The following FBN2 variants were observed in gnomAD, a reference collection of about 807,000 sequenced individuals.
The protein encoded by FBN2 is fibrillin 2.
In FBN2, 105 loss-of-function variants were observed where a neutral mutation model predicts 355.6. That is an observed-to-expected ratio of 0.30 (90% confidence interval 0.25 to 0.35). FBN2 has a LOEUF of 0.35. Among genes scored for constraint, FBN2 ranks in the 10% least tolerant of loss-of-function variants. The pLI, the probability that FBN2 is intolerant of heterozygous loss-of-function variation, is 1.00. For synonymous variants in FBN2, 1,350 were observed against 1,301.2 expected, an observed-to-expected ratio of 1.04 and a Z score of -0.81; for missense variants, 3,280 against 3,758.7, an observed-to-expected ratio of 0.87 and a Z score of 3.33.
chr5:128,321,358 A>C (rs879599847), intron 34 of FBN2, among the ~76,000 whole-genome samples: 5 of 152,164 alleles, frequency 3.3e-5, no homozygotes, highest in Admixed American at 2.6e-4. Flanking sequence ...GGTTTGTTAC[A>C]TAGGTGTATG....
intron 5 of FBN2, among the ~76,000 whole-genome samples, chr5:128,488,939 T>A (rs1329440008): frequency 6.6e-6 from 1 of 152,146 alleles, no homozygotes; most frequent in Non-Finnish European, 1.5e-5. Context: ...TTTGCTATTG[T>A]GAATAGTGCC....
intron 15 of FBN2, among the ~76,000 whole-genome samples, chr5:128,371,460 T>TTTCTCTTTTTC (rs557642593): frequency 1.4e-3 from 130 of 89,970 alleles, no homozygotes; most frequent in African/African-American, 7.3e-3. Flanking sequence ...CTTTTTCTCC[T>TTTCTCTTTTTC]TCCTTCCTTC....
intron 8 of FBN2, 147 bp from the exon 9 acceptor site, chr5:128,395,421 A>C (rs749528199): frequency 1.6e-5 from 14 of 897,828 alleles, no homozygotes; most frequent in Non-Finnish European, 2.5e-5. Context: ...TTAATATCTC[A>C]GACATTCATT....
rs567063128 is a variant in FBN2, at chr5:128,537,028, C to T, written c.254+322G>A. 9.8e-3 allele frequency among the ~76,000 whole-genome samples: 1,498 copies of T among 152,174 alleles called. 10 individuals carry two copies. The highest frequency in any genetic ancestry group is 0.017 in the South Asian group (81 of 4,824). ...TTCTCTGGCCCCTGCAGCAGGCGGA[C>T]CCAGGCCCGCCTGCCGCCGGACATT... On this transcript the variant is annotated intron_variant, in intron 1 of 64. Coordinates refer to ENST00000262464, the MANE Select transcript of FBN2 (RefSeq NM_001999.4).
chr5:128,339,115 T>A lies in FBN2; in HGVS notation c.3344-54A>T, dbSNP rs1235432049. The A allele has an allele frequency of 4.4e-6, 7 of 1,597,266 alleles. No homozygotes were observed. The East Asian group carries it at 6.7e-5, about 15-fold the overall frequency. On this transcript the variant is annotated intron_variant, in intron 25 of 64. Transcript: ENST00000262464. The stretch of plus-strand genomic sequence containing the variant: ...AAAATTGAATGAGATAGACTTGGCC[T>A]TCCAAGCGAAGGTGCTGCATGCTTG...
intron 6 of FBN2, among the ~76,000 whole-genome samples, chr5:128,448,667 T>C (rs145329683): frequency 9.5e-4 from 144 of 152,312 alleles, no homozygotes; most frequent in Middle Eastern, 3.4e-3. Context: ...ATTGTAAATA[T>C]TGTAATATTT....
At chr5:128,279,668 T>C (rs1451357172) in intron 56 of FBN2, among the ~76,000 whole-genome samples, 1 of 152,170 alleles carries the variant, frequency 6.6e-6, no homozygotes, top group Admixed American at 6.5e-5. Flanking sequence ...AGCACACTTT[T>C]TGCAGCTGCC....
At chr5:128,364,228 T>C (rs1751710802) in intron 18 of FBN2, among the ~76,000 whole-genome samples, 1 of 152,224 alleles carries the variant, frequency 6.6e-6, no homozygotes, top group South Asian at 2.1e-4. Flanking sequence ...TTTATGAAGT[T>C]AAAATTCTCT....
At chr5:128,284,453 C>T (rs1749079956) in intron 55 of FBN2, among the ~76,000 whole-genome samples, 1 of 152,194 alleles carries the variant, frequency 6.6e-6, no homozygotes, top group Non-Finnish European at 1.5e-5. Flanking sequence ...TTTAGACCCA[C>T]TTCATGCCAC....
At chr5:128,534,785 C>G (rs1402747648) in intron 2 of FBN2, among the ~76,000 whole-genome samples, 1 of 152,230 alleles carries the variant, frequency 6.6e-6, no homozygotes, top group African/African-American at 2.4e-5. Flanking sequence ...CCATTCCACA[C>G]TGATCCAATA....
At chr5:128,499,890 C>T (rs1042851276) in intron 5 of FBN2, among the ~76,000 whole-genome samples, 4 of 152,032 alleles carry the variant, frequency 2.6e-5, no homozygotes, top group East Asian at 3.9e-4. Context: ...AAACATAAGG[C>T]TTTGCCCATA....
chr5:128,522,873 A>G (rs1214064394), intron 4 of FBN2, among the ~76,000 whole-genome samples: 1 of 152,172 alleles, frequency 6.6e-6, no homozygotes, highest in East Asian at 1.9e-4. Flanking sequence ...CTGTGCTTAC[A>G]CCTAGCATGA....
intron 23 of FBN2, 97 bp downstream of exon 23, chr5:128,349,250 C>G: frequency 6.9e-7 from 1 of 1,450,464 alleles, no homozygotes; most frequent in Non-Finnish European, 9.7e-7. Context: ...CAAGTTTTCT[C>G]AAGTACAAAC....
chr5:128,411,972 T>C (rs542151802), intron 7 of FBN2, among the ~76,000 whole-genome samples: 1 of 152,328 alleles, frequency 6.6e-6, no homozygotes, highest in East Asian at 1.9e-4. Context: ...GCATATATTA[T>C]CTATGTATAA....
chr5:128,264,417 TCAGC>T (rs1355083123), intron 62 of FBN2, among the ~76,000 whole-genome samples: 1 of 152,204 alleles, frequency 6.6e-6, no homozygotes. Flanking sequence ...CATCCAGCCA[TCAGC>T]CAGCTATAGC....
At chr5:128,476,349 T>G (rs1377236312) in intron 5 of FBN2, among the ~76,000 whole-genome samples, 1 of 151,988 alleles carries the variant, frequency 6.6e-6, no homozygotes, top group Non-Finnish European at 1.5e-5. Flanking sequence ...CATCAATAGA[T>G]CTGACTAAAA....
chr5:128,362,439 C>T (rs1283697644), intron 18 of FBN2, among the ~76,000 whole-genome samples: 1 of 152,162 alleles, frequency 6.6e-6, no homozygotes, highest in Non-Finnish European at 1.5e-5. Flanking sequence ...ATCTAAAACT[C>T]CAGTTTAAAA....
chr5:128,498,259 T>G (rs1403420764), intron 5 of FBN2, among the ~76,000 whole-genome samples: 1 of 152,232 alleles, frequency 6.6e-6, no homozygotes, highest in African/African-American at 2.4e-5. Context: ...CAAAATCTCA[T>G]ATATTTTCTT....
At chr5:128,357,488 A>G (rs1751532219) in intron 19 of FBN2, 93 bp from the exon 20 acceptor site, 1 of 1,506,264 alleles carries the variant, frequency 6.6e-7, no homozygotes, top group African/African-American at 1.4e-5. Flanking sequence ...AATGTCTGGT[A>G]AACTTGGCTC....
Sources: gnomAD v4.1 joint callset for allele counts (sites outside exome capture counted in the v4.1 genomes callset) on GRCh38, gnomAD v4.1.1 for gene constraint, MANE v1.5 for transcripts, NCBI Gene and HGNC (gene_info 2026-07-23, HGNC 2026-07-21) for gene names.